The following GABRG3 variants were observed in gnomAD, a reference collection of about 807,000 sequenced individuals.
The protein encoded by GABRG3 is gamma-aminobutyric acid type A receptor subunit gamma3, also known as gamma-aminobutyric acid receptor subunit gamma-3.
A neutral mutation model predicts 48.8 loss-of-function variants in GABRG3; 25 were observed. The ratio of observed to expected loss-of-function variants is 0.51; its 90% CI spans 0.37 to 0.72. The LOEUF is 0.72. Among genes scored for constraint, GABRG3 ranks in the 30% least tolerant of loss-of-function variants. GABRG3 has a pLI of 0.00. For missense variants in GABRG3, 394 were observed against 577.9 expected (o/e 0.68, Z 3.26); for synonymous variants, 227 against 217.6 (o/e 1.04, Z -0.38).
intron 3 of GABRG3, among the ~76,000 whole-genome samples, chr15:27,113,855 G>T (rs749921373): frequency 6.6e-6 from 1 of 152,182 alleles, no homozygotes; most frequent in Non-Finnish European, 1.5e-5. Context: ...GGTGTAATTC[G>T]TAGAGGAAAA....
chr15:27,342,107 T>G (rs1234759365), intron 5 of GABRG3, among the ~76,000 whole-genome samples: 1 of 152,106 alleles, frequency 6.6e-6, no homozygotes, highest in African/African-American at 2.4e-5. Flanking sequence ...GTCATCGCAG[T>G]CCCAAGGCCA....
intron 5 of GABRG3, among the ~76,000 whole-genome samples, chr15:27,334,048 A>G (rs969827746): frequency 6.6e-6 from 1 of 152,210 alleles, no homozygotes; most frequent in East Asian, 1.9e-4. Flanking sequence ...GTTAATATAT[A>G]TTAGTATGAG....
At chr15:27,187,164 T>C (rs1004848627) in intron 3 of GABRG3, among the ~76,000 whole-genome samples, 20 of 152,170 alleles carry the variant, frequency 1.3e-4, no homozygotes, top group African/African-American at 4.6e-4. Context: ...TATCCCAGCA[T>C]TATTTATTGA....
intron 3 of GABRG3, among the ~76,000 whole-genome samples, chr15:27,080,977 C>T (rs112425450): frequency 0.19 from 29,356 of 152,110 alleles, 2,920 homozygotes; most frequent in Middle Eastern, 0.25. Context: ...AGAGACCTCT[C>T]GGAGAAGAGG....
chr15:27,405,330 G>C (rs150143423), intron 5 of GABRG3, among the ~76,000 whole-genome samples: 1 of 152,122 alleles, frequency 6.6e-6, no homozygotes, highest in African/African-American at 2.4e-5. Flanking sequence ...ATGTTGCTCA[G>C]CCTCATTTGT....
intron 3 of GABRG3, among the ~76,000 whole-genome samples, chr15:27,069,314 A>T (rs1896788339): frequency 6.6e-6 from 1 of 152,164 alleles, no homozygotes; most frequent in African/African-American, 2.4e-5. Flanking sequence ...TGGAGGGAGC[A>T]CTGGACATAG....
At chr15:27,070,074 A>G (rs1566926617) in intron 3 of GABRG3, among the ~76,000 whole-genome samples, 1 of 152,266 alleles carries the variant, frequency 6.6e-6, no homozygotes, top group East Asian at 1.9e-4. Flanking sequence ...CAGAAAACCA[A>G]GGAAGAACAA....
At chr15:27,306,280 T>A in intron 3 of GABRG3, among the ~76,000 whole-genome samples, 1 of 137,544 alleles carries the variant, frequency 7.3e-6, no homozygotes, top group South Asian at 2.3e-4. Flanking sequence ...ATATATAACA[T>A]AAACATGTCT....
chr15:27,255,023 C>A (rs1245411938), intron 3 of GABRG3, among the ~76,000 whole-genome samples: 1 of 152,190 alleles, frequency 6.6e-6, no homozygotes, highest in East Asian at 1.9e-4. Context: ...GGGCTCTGAT[C>A]CCTCTGCTCA....
At chr15:27,523,603 A>G (rs1409550524) in intron 7 of GABRG3, among the ~76,000 whole-genome samples, 5 of 151,962 alleles carry the variant, frequency 3.3e-5, no homozygotes, top group Admixed American at 6.5e-5. Flanking sequence ...ATGTGCTTCA[A>G]TGAGCGAATG....
At chr15:27,230,496 C>T (rs1433748438) in intron 3 of GABRG3, among the ~76,000 whole-genome samples, 1 of 149,508 alleles carries the variant, frequency 6.7e-6, no homozygotes, top group East Asian at 2.0e-4. Flanking sequence ...ACTCCTGTTA[C>T]TGTTATTTTT....
At chr15:27,308,825 A>G (rs928737487) in intron 3 of GABRG3, among the ~76,000 whole-genome samples, 1 of 150,232 alleles carries the variant, frequency 6.7e-6, no homozygotes, top group African/African-American at 2.4e-5. Context: ...TATAGTGTAA[A>G]CATACGTTTA....
intron 5 of GABRG3, among the ~76,000 whole-genome samples, chr15:27,332,491 G>A (rs1029102144): frequency 6.6e-6 from 1 of 151,924 alleles, no homozygotes; most frequent in East Asian, 1.9e-4. Context: ...CCGAGATCAC[G>A]CCACTGCACT....
At chr15:27,389,733 C>T (rs982004991) in intron 5 of GABRG3, among the ~76,000 whole-genome samples, 8 of 152,220 alleles carry the variant, frequency 5.3e-5, no homozygotes, top group Admixed American at 1.3e-4. Flanking sequence ...GTTAACACAT[C>T]AACTTATATT....
intron 3 of GABRG3, among the ~76,000 whole-genome samples, chr15:27,224,941 C>T (rs987587210): frequency 6.6e-6 from 1 of 151,604 alleles, no homozygotes; most frequent in Non-Finnish European, 1.5e-5. Flanking sequence ...TGAACATGGT[C>T]ACTCAGTTGC....
chr15:27,487,553 C>CG (rs1890249971), intron 6 of GABRG3, among the ~76,000 whole-genome samples: 1 of 152,122 alleles, frequency 6.6e-6, no homozygotes, highest in Non-Finnish European at 1.5e-5. Flanking sequence ...GCCAGGGCCA[C>CG]AAAGAGTTAA....
At chr15:26,998,664 G>A (rs1474061685) in intron 2 of GABRG3, among the ~76,000 whole-genome samples, 1 of 152,188 alleles carries the variant, frequency 6.6e-6, no homozygotes, top group Non-Finnish European at 1.5e-5. Flanking sequence ...GAGAGAGTGA[G>A]AAACACTGGT....
chr15:27,298,504 G>A (rs1424245151), intron 3 of GABRG3, among the ~76,000 whole-genome samples: 1 of 152,082 alleles, frequency 6.6e-6, no homozygotes, highest in Admixed American at 6.6e-5. Context: ...TTATGTATTC[G>A]TTGGGTACTC....
chr15:27,030,525 C>T (rs978770081), intron 3 of GABRG3, among the ~76,000 whole-genome samples: 1 of 152,210 alleles, frequency 6.6e-6, no homozygotes, highest in Non-Finnish European at 1.5e-5. Context: ...ACAGCATCCT[C>T]TGCCTTTGTC....
Sources: gnomAD v4.1 joint callset for allele counts (sites outside exome capture counted in the v4.1 genomes callset) on GRCh38, gnomAD v4.1.1 for gene constraint, MANE v1.5 for transcripts, NCBI Gene and HGNC (gene_info 2026-07-23, HGNC 2026-07-21) for gene names.